Variants in TRAF3 observed in about 807,000 individuals in gnomAD.
The protein encoded by TRAF3 is TNF receptor-associated factor 3.
TRAF3 carries 13 observed loss-of-function variants against 62.3 expected under a neutral mutation model. The ratio of observed to expected loss-of-function variants is 0.21; its 90% CI spans 0.14 to 0.33. The LOEUF is 0.33. Among genes scored for constraint, TRAF3 ranks in the 10% least tolerant of loss-of-function variants. The pLI, the probability that TRAF3 is intolerant of heterozygous loss-of-function variation, is 1.00. For synonymous variants in TRAF3, 269 were observed against 283.4 expected, an observed-to-expected ratio of 0.95 and a Z score of 0.51; for missense variants, 440 against 741.8, an observed-to-expected ratio of 0.59 and a Z score of 4.73.
chr14:102,789,594 A>G lies in TRAF3; in HGVS notation c.-157+11919A>G, dbSNP rs577438930. 3.2e-3 allele frequency among the ~76,000 whole-genome samples: 482 copies of G among 148,794 alleles called. 1 individual carries two copies. The highest frequency in any genetic ancestry group is 8.1e-3 in the African/African-American group (327 of 40,384). On this transcript the variant is annotated intron_variant, in intron 1 of 11. Transcript: ENST00000392745. The stretch of plus-strand genomic sequence containing the variant: ...ACACTTATGAACTACAAAAGGATAT[A>G]TGTGTGTGTGTGTGTGTGTGTGTGT...
chr14:102,900,179 G>GAAAAAAAA (rs1566807952), intron 10 of TRAF3, among the ~76,000 whole-genome samples: 4 of 83,744 alleles, frequency 4.8e-5, no homozygotes, highest in African/African-American at 2.1e-4. Flanking sequence ...ACTCCGTCTC[G>GAAAAAAAA]GAAAAAAAAA....
chr14:102,879,105 T>C (rs1420925621), intron 6 of TRAF3, among the ~76,000 whole-genome samples: 1 of 151,126 alleles, frequency 6.6e-6, no homozygotes, highest in Non-Finnish European at 1.5e-5. Context: ...CGCAGGATCA[T>C]GGGGCTGGAG....
intron 6 of TRAF3, among the ~76,000 whole-genome samples, chr14:102,883,089 C>G (rs1400475288): frequency 6.6e-6 from 1 of 152,188 alleles, no homozygotes; most frequent in Non-Finnish European, 1.5e-5. Context: ...AGTTAACCAG[C>G]AGTTCTTCTC....
chr14:102,837,783 A>C (rs1886119840), intron 2 of TRAF3, among the ~76,000 whole-genome samples: 1 of 152,234 alleles, frequency 6.6e-6, no homozygotes, highest in South Asian at 2.1e-4. Context: ...GACAGTTGTC[A>C]AAGTCAGCAA....
intron 2 of TRAF3, among the ~76,000 whole-genome samples, 190 bp downstream of exon 2, chr14:102,830,662 G>A (rs1401619780): frequency 3.3e-5 from 5 of 152,190 alleles, no homozygotes; most frequent in African/African-American, 1.2e-4. Context: ...GGGGCAAAGG[G>A]CATGACCTCT....
At chr14:102,863,935 A>T (rs1022411225) in intron 2 of TRAF3, among the ~76,000 whole-genome samples, 1 of 152,042 alleles carries the variant, frequency 6.6e-6, no homozygotes, top group Admixed American at 6.6e-5. Flanking sequence ...TCCCTCTGGG[A>T]CCAGTGCATG....
At chr14:102,797,928 G>A (rs563602962) in intron 1 of TRAF3, among the ~76,000 whole-genome samples, 2 of 152,080 alleles carry the variant, frequency 1.3e-5, no homozygotes, top group South Asian at 4.2e-4. Context: ...GTAGAGACAG[G>A]GTTTCACCAT....
intron 6 of TRAF3, among the ~76,000 whole-genome samples, chr14:102,882,571 T>TTG (rs1555375404): frequency 2.0e-5 from 3 of 150,930 alleles, no homozygotes; most frequent in African/African-American, 7.4e-5. Flanking sequence ...TATTTTGTTT[T>TTG]TTTTTTTTTT....
chr14:102,861,892 G>A (rs1180683031), intron 2 of TRAF3, among the ~76,000 whole-genome samples: 1 of 152,150 alleles, frequency 6.6e-6, no homozygotes, highest in Non-Finnish European at 1.5e-5. Context: ...TTAAAATTGG[G>A]TTGTCTTTTT....
intron 2 of TRAF3, among the ~76,000 whole-genome samples, chr14:102,854,132 GC>G (rs1296748670): frequency 6.6e-6 from 1 of 151,756 alleles, no homozygotes; most frequent in Non-Finnish European, 1.5e-5. Flanking sequence ...TTTTTTTTAT[GC>G]CTAAGTAAGA....
Position 102,897,112 on chromosome 14 carries a change from T to C in TRAF3, c.820-149T>C, listed in dbSNP as rs574112004. The C allele has an allele frequency of 7.1e-5, 52 of 727,966 alleles. No homozygotes were observed. In the African/African-American group the frequency reaches 7.5e-4, roughly 11 times the overall value. 45.1% of individuals were successfully genotyped at this position (727,966 alleles called of 1,614,324 possible). A position where few individuals can be genotyped will look rare whatever the true frequency, so the allele number is the denominator to read the frequency against. On this transcript the variant is annotated intron_variant, in intron 9 of 11. Transcript: ENST00000392745. ...AAGAAAGAAAGAAAAGTACCAGGACTGTCATTTTCTGTGTGAAGGGATTTT... is the reference window on the plus strand; with the variant it reads ...AAGAAAGAAAGAAAAGTACCAGGACCGTCATTTTCTGTGTGAAGGGATTTT...
chr14:102,846,249 A>C (rs1289503994), intron 2 of TRAF3, among the ~76,000 whole-genome samples: 1 of 152,170 alleles, frequency 6.6e-6, no homozygotes, highest in Non-Finnish European at 1.5e-5. Context: ...AGTCGTGTTT[A>C]TATTTGCTCC....
At chr14:102,889,391 A>G (rs1299454890) in intron 7 of TRAF3, among the ~76,000 whole-genome samples, 169 bp from the exon 8 acceptor site, 1 of 152,252 alleles carries the variant, frequency 6.6e-6, no homozygotes, top group African/African-American at 2.4e-5. Flanking sequence ...ACACGTGACT[A>G]GACCGTATAT....
At chr14:102,844,381 T>G (rs1886568001) in intron 2 of TRAF3, among the ~76,000 whole-genome samples, 1 of 152,242 alleles carries the variant, frequency 6.6e-6, no homozygotes, top group Non-Finnish European at 1.5e-5. Context: ...AGCATCCTCC[T>G]TCATGTGTTC....
At chr14:102,827,658 T>A (rs1410546066) in intron 1 of TRAF3, among the ~76,000 whole-genome samples, 1 of 152,220 alleles carries the variant, frequency 6.6e-6, no homozygotes, top group East Asian at 1.9e-4. Context: ...ATTTGAATAT[T>A]CTTTTTATAT....
rs35895214 is a variant in TRAF3, at chr14:102,792,113, CTT to C, written c.-157+14464_-157+14465del. Among the ~76,000 whole-genome samples, 38 of 97,690 alleles carry C rather than the reference CTT, an allele frequency of 3.9e-4. 4 individuals are homozygous for C. The highest frequency in any genetic ancestry group is 1.3e-3 in the African/African-American group (32 of 23,894). The allele number at this position is 97,690 out of a possible 152,430, so 64.1% of individuals were successfully genotyped here. On this transcript the variant is annotated intron_variant, in intron 1 of 11. Coordinates refer to ENST00000392745, the MANE Select transcript of TRAF3 (RefSeq NM_145725.3). ...ACAGGTGCGAGCCACTGTGCCTGGA[CTT>C]TTTTTTTTTTTTTTTTTTTTTTTTT...
At chr14:102,883,986 A>G (rs1399390141) in intron 6 of TRAF3, among the ~76,000 whole-genome samples, 2 of 152,264 alleles carry the variant, frequency 1.3e-5, no homozygotes, top group Non-Finnish European at 2.9e-5. Flanking sequence ...AATCAGCAGC[A>G]GATTCAGGGT....
In TRAF3 at chr14:102,897,340, T is replaced by C. The variant is rs756210516; in HGVS notation, c.899T>C (p.Ile300Thr). Residue 300 changes from isoleucine (I) to threonine (T), a missense_variant, in exon 10 of 12, where the codon ATT (isoleucine) becomes ACT (threonine). Ile to Thr is a moderately conservative substitution (Grantham distance 89). This residue lies in a region of TRAF3 where 255 missense variants were observed against 424.1 expected (regional missense o/e 0.60). Transcript: ENST00000392745. ...CACAATCAGATATGTAGCTTTGAAA[T>C]TGAAATTGAGAGACAAAAGGAAATG... Reference protein sequence around the residue: ...SLHNQICSFEIEIERQKEMLR... With the variant: ...SLHNQICSFETEIERQKEMLR... The C allele has an allele frequency of 4.3e-6, 7 of 1,613,818 alleles. No homozygotes were observed. The highest frequency in any genetic ancestry group is 4.0e-5 in the African/African-American group (3 of 74,862).
intron 1 of TRAF3, among the ~76,000 whole-genome samples, chr14:102,801,343 A>T (rs1898399485): frequency 6.6e-6 from 1 of 152,120 alleles, no homozygotes; most frequent in South Asian, 2.1e-4. Flanking sequence ...TAATATATAA[A>T]ATATGCGTAC....
Sources: gnomAD v4.1 joint callset for allele counts (sites outside exome capture counted in the v4.1 genomes callset) on GRCh38, gnomAD v4.1.1 for gene constraint, gnomAD v4.1.1 regional missense constraint, MANE v1.5 for transcripts, NCBI Gene and HGNC (gene_info 2026-07-23, HGNC 2026-07-21) for gene names.